Variants in RASGRF2 observed in about 807,000 individuals in gnomAD.
The protein encoded by RASGRF2 is Ras protein specific guanine nucleotide releasing factor 2, also known as ras-specific guanine nucleotide-releasing factor 2.
Under a neutral mutation model 151.0 loss-of-function variants are expected in RASGRF2, and 76 were observed. The observed-to-expected ratio is 0.50, with a 90% CI of 0.42 to 0.61. The LOEUF is 0.61. Ranked by LOEUF, RASGRF2 falls within the 20% of genes least tolerant of loss-of-function variation. The pLI, the probability that RASGRF2 is intolerant of heterozygous loss-of-function variation, is 0.00. For synonymous variants in RASGRF2, 504 were observed against 566.5 expected, an observed-to-expected ratio of 0.89 and a Z score of 1.57; for missense variants, 1,148 against 1,564.6, an observed-to-expected ratio of 0.73 and a Z score of 4.49.
At chr5:81,114,005 C>T in intron 15 of RASGRF2, 85 bp downstream of exon 15, 1 of 1,452,872 alleles carries the variant, frequency 6.9e-7, no homozygotes, top group Non-Finnish European at 9.3e-7. Flanking sequence ...CACTGGTTCC[C>T]TTTCTTTACA....
chr5:81,203,074 AG>A (rs1755433061), intron 19 of RASGRF2, among the ~76,000 whole-genome samples: 1 of 152,258 alleles, frequency 6.6e-6, no homozygotes, highest in African/African-American at 2.4e-5. Flanking sequence ...AAGTAAGCCC[AG>A]GGATTCCACT....
chr5:81,071,806 A>T (rs1751785034), intron 4 of RASGRF2, among the ~76,000 whole-genome samples: 2 of 152,108 alleles, frequency 1.3e-5, no homozygotes, highest in African/African-American at 4.8e-5. Flanking sequence ...AATAAAATTC[A>T]ATTTTCAGAT....
intron 25 of RASGRF2, 79 bp from the exon 26 acceptor site, chr5:81,219,631 A>C (rs575865071): frequency 4.0e-5 from 50 of 1,239,826 alleles, no homozygotes; most frequent in Non-Finnish European, 5.4e-5. Flanking sequence ...AAGAGGCCTC[A>C]GAAGAATGTG....
At chr5:81,171,279 T>C (rs1482453346) in intron 17 of RASGRF2, among the ~76,000 whole-genome samples, 1 of 152,218 alleles carries the variant, frequency 6.6e-6, no homozygotes, top group East Asian at 1.9e-4. Flanking sequence ...TAGGTGTGTA[T>C]GTAGGATTTT....
chr5:81,043,012 T>A, intron 2 of RASGRF2, 29 bp downstream of exon 2: 2 of 1,541,784 alleles, frequency 1.3e-6, no homozygotes, highest in East Asian at 2.3e-5. Context: ...TGTGTAGTAC[T>A]TGATTGTCTG....
intron 1 of RASGRF2, among the ~76,000 whole-genome samples, chr5:80,991,073 T>A (rs1748633816): frequency 6.6e-6 from 1 of 152,184 alleles, no homozygotes; most frequent in African/African-American, 2.4e-5. Context: ...TGACAGAATA[T>A]CTGAACTTCA....
At chr5:81,049,859 A>G (rs1441713569) in intron 2 of RASGRF2, among the ~76,000 whole-genome samples, 1 of 152,194 alleles carries the variant, frequency 6.6e-6, no homozygotes, top group African/African-American at 2.4e-5. Context: ...TATAGCCTCC[A>G]TTATATGTAG....
At chr5:81,129,739 T>C (rs1490298432) in intron 17 of RASGRF2, among the ~76,000 whole-genome samples, 3 of 152,214 alleles carry the variant, frequency 2.0e-5, no homozygotes, top group Non-Finnish European at 4.4e-5. Flanking sequence ...GCAGAGTTAT[T>C]GTCGATTGTG....
chr5:81,168,721 C>G (rs1297730255), intron 17 of RASGRF2, among the ~76,000 whole-genome samples: 1 of 152,160 alleles, frequency 6.6e-6, no homozygotes, highest in Non-Finnish European at 1.5e-5. Context: ...CACTTCATCA[C>G]CTTCTTTTTC....
rs775200485 is a variant in RASGRF2, at chr5:80,971,567, AT to A, written c.288+10557del. Among the ~76,000 whole-genome samples the A allele has an allele frequency of 3.2e-3, 420 of 131,214 alleles. 1 individual carries two copies. Among genetic ancestry groups the A allele is most frequent in the Admixed American group, 4.6e-3 (60 of 13,012 alleles). 86.1% of individuals were successfully genotyped at this position (131,214 alleles called of 152,430 possible). On this transcript the variant is annotated intron_variant, in intron 1 of 26. Transcript: ENST00000265080. ...ACAGGCACATGCCACCACACCTGGT[AT>A]TTTTTTTTTTTTTTTGAGATAGTTT...
chr5:81,012,635 A>G (rs1482139606), intron 1 of RASGRF2, among the ~76,000 whole-genome samples: 3 of 152,210 alleles, frequency 2.0e-5, no homozygotes, highest in Admixed American at 6.5e-5. Flanking sequence ...GTGAGGGGTG[A>G]TGTAAAGGTC....
intron 17 of RASGRF2, among the ~76,000 whole-genome samples, chr5:81,137,792 A>G (rs1303134270): frequency 6.6e-6 from 1 of 152,242 alleles, no homozygotes; most frequent in African/African-American, 2.4e-5. Flanking sequence ...ACATTTATTT[A>G]GCACCAATTC....
chr5:80,975,853 CTTTT>C (rs71893376), intron 1 of RASGRF2, among the ~76,000 whole-genome samples: 2 of 133,726 alleles, frequency 1.5e-5, no homozygotes. Flanking sequence ...AAGCAATCAT[CTTTT>C]TTTTTTTTTT....
chr5:80,986,072 G>A (rs140092096), intron 1 of RASGRF2, among the ~76,000 whole-genome samples: 6 of 152,242 alleles, frequency 3.9e-5, no homozygotes, highest in Admixed American at 6.5e-5. Context: ...GCCCTAGCTA[G>A]CAAGCAGAGC....
rs566209746 is a variant in RASGRF2, at chr5:81,030,338, C to T, written c.289-12539C>T. Among the ~76,000 whole-genome samples, 16 of 152,212 alleles carry T rather than the reference C, an allele frequency of 1.1e-4. No homozygotes were observed. The South Asian group carries it at 2.3e-3, about 22-fold the overall frequency. On this transcript the variant is annotated intron_variant, in intron 1 of 26. Coordinates refer to ENST00000265080, the MANE Select transcript of RASGRF2 (RefSeq NM_006909.3). The stretch of plus-strand genomic sequence containing the variant: ...CTCCTCGAGAAGAGCAACTCCAAGA[C>T]ACATAATTACCAGATGCACCAAAGT...
intron 17 of RASGRF2, among the ~76,000 whole-genome samples, chr5:81,133,232 G>A (rs1753668916): frequency 6.6e-6 from 1 of 152,200 alleles, no homozygotes; most frequent in Admixed American, 6.5e-5. Flanking sequence ...AGAGCAGCAT[G>A]ATGTATGTAT....
rs556570521 is a variant in RASGRF2, at chr5:81,075,505, G to A, written c.887+2053G>A. ...CCCCTACCTGGAGCCTTCCCCCATC[G>A]GAGGCCCCTTCCTTGTTGCTTACTT... On this transcript the variant is annotated intron_variant, in intron 5 of 26. Transcript: ENST00000265080. 5.3e-5 allele frequency among the ~76,000 whole-genome samples: 8 copies of A among 152,210 alleles called. No homozygotes were observed. In the South Asian group the frequency reaches 8.3e-4, roughly 16 times the overall value.
At chr5:81,020,643 C>G (rs2112335700) in intron 1 of RASGRF2, among the ~76,000 whole-genome samples, 1 of 152,292 alleles carries the variant, frequency 6.6e-6, no homozygotes, top group South Asian at 2.1e-4. Flanking sequence ...GAGAGAGGGA[C>G]TCCTTTTTGC....
chr5:81,038,717 A>T (rs1353150549), intron 1 of RASGRF2, among the ~76,000 whole-genome samples: 1 of 151,902 alleles, frequency 6.6e-6, no homozygotes, highest in Admixed American at 6.6e-5. Flanking sequence ...CTGAGACCAC[A>T]GGTGCATGCC....
Sources: allele counts gnomAD v4.1 joint callset (sites outside exome capture counted in the v4.1 genomes callset), GRCh38; gene constraint gnomAD v4.1.1; transcripts MANE v1.5; gene names NCBI Gene and HGNC (gene_info 2026-07-23, HGNC 2026-07-21).